Variants in MTSS1 observed in about 807,000 individuals in gnomAD.
MTSS1 encodes protein MTSS 1.
Under a neutral mutation model 79.0 loss-of-function variants are expected in MTSS1, and 18 were observed. The observed-to-expected ratio is 0.23, with a 90% CI of 0.16 to 0.34. The LOEUF is 0.34. MTSS1 is among the 10% of genes least tolerant of loss of function. The pLI is 1.00. For synonymous variants in MTSS1, 341 were observed against 368.6 expected, an observed-to-expected ratio of 0.93 and a Z score of 0.86; for missense variants, 815 against 986.2, an observed-to-expected ratio of 0.83 and a Z score of 2.33.
chr8:124,690,229 A>G (rs1028986976), intron 3 of MTSS1, among the ~76,000 whole-genome samples: 1 of 152,238 alleles, frequency 6.6e-6, no homozygotes, highest in Non-Finnish European at 1.5e-5. Flanking sequence ...GACAGGGAAC[A>G]GCACACACAC....
chr8:124,661,812 A>G (rs1163590777), intron 3 of MTSS1, among the ~76,000 whole-genome samples: 1 of 152,214 alleles, frequency 6.6e-6, no homozygotes, highest in Non-Finnish European at 1.5e-5. Flanking sequence ...TTTGCTCAGC[A>G]TACATTCAGG....
chr8:124,725,227 C>G (rs1833523631), intron 1 of MTSS1, among the ~76,000 whole-genome samples: 1 of 152,226 alleles, frequency 6.6e-6, no homozygotes, highest in Non-Finnish European at 1.5e-5. Context: ...CATGCCCTGA[C>G]AGCCAGCCGA....
At chr8:124,593,570 G>A (rs189712948) in intron 3 of MTSS1, among the ~76,000 whole-genome samples, 44 of 152,296 alleles carry the variant, frequency 2.9e-4, no homozygotes, top group Non-Finnish European at 4.9e-4. Flanking sequence ...AATTGCACGT[G>A]GTAATTTAAA....
chr8:124,578,440 T>G (rs986806473), intron 6 of MTSS1, among the ~76,000 whole-genome samples: 10 of 152,040 alleles, frequency 6.6e-5, no homozygotes, highest in African/African-American at 2.4e-4. Context: ...ATCACTACCC[T>G]ACCCCCAGGC....
chr8:124,586,287 C>T (rs1464087753), intron 5 of MTSS1, among the ~76,000 whole-genome samples: 1 of 152,160 alleles, frequency 6.6e-6, no homozygotes, highest in Non-Finnish European at 1.5e-5. Flanking sequence ...CACTGTGCAG[C>T]GTGGCAGCTC....
intron 3 of MTSS1, among the ~76,000 whole-genome samples, chr8:124,611,818 CAG>C (rs1226780174): frequency 1.3e-5 from 2 of 152,174 alleles, no homozygotes; most frequent in African/African-American, 4.8e-5. Flanking sequence ...AGAAATAAAA[CAG>C]ATTTGCATGA....
chr8:124,664,694 C>T (rs1196731949), intron 3 of MTSS1, among the ~76,000 whole-genome samples: 1 of 152,214 alleles, frequency 6.6e-6, no homozygotes, highest in East Asian at 1.9e-4. Context: ...GCAACGAGAG[C>T]ACTTGACTAG....
At chr8:124,653,743 C>T (rs1471057610) in intron 3 of MTSS1, among the ~76,000 whole-genome samples, 2 of 152,046 alleles carry the variant, frequency 1.3e-5, no homozygotes, top group Non-Finnish European at 2.9e-5. Context: ...CAAAACAAAA[C>T]AAACACAAAA....
chr8:124,606,424 C>A (rs1254959617), intron 3 of MTSS1, among the ~76,000 whole-genome samples: 1 of 152,150 alleles, frequency 6.6e-6, no homozygotes, highest in Non-Finnish European at 1.5e-5. Context: ...GCCGGGACTA[C>A]AGGCACAAGC....
At position 124,553,112 on chromosome 8, in the gene MTSS1, G is replaced by T. The variant is rs747967553; in HGVS notation, c.2148C>A (p.Asp716Glu). ...TVSPGQIPES[D>E]PADLSPRDTP... ...TATCCCTTGGGCTCAGGTCTGCAGG[G>T]TCACTCTCTGGAATCTGGCCTGGGG... is the stretch of plus-strand genomic sequence containing the variant. Residue 716 changes from aspartate to glutamate, a missense_variant, in exon 14 of 14, where the codon GAC becomes GAA. Around this residue, in one of 2 missense-constraint regions of MTSS1, gnomAD observed 590 missense variants for 620.8 expected, o/e 0.95. Transcript: ENST00000518547. This position sits in a 1 kb window ranked among gnomAD's most constrained non-coding sequence, Gnocchi z 6.0. The T allele has an allele frequency of 6.2e-7, 1 of 1,614,106 alleles. No homozygotes were observed. Among genetic ancestry groups the T allele is most frequent in the Admixed American group, 1.7e-5 (1 of 60,008 alleles).
Position 124,562,962 on chromosome 8 carries a change from G to T in MTSS1, c.855C>A (p.Ser285=), listed in dbSNP as rs770496980. The change falls in exon 10 of 14, where the codon TCC becomes TCA. Residue 285 remains serine (S), a synonymous_variant. Coordinates refer to ENST00000518547, the MANE Select transcript of MTSS1 (RefSeq NM_014751.6). ...SSLNSVNSSD[S]RSSGSHSHSP... ...AATGCGAGTGGGAGCCGCTGGACCG[G>T]GAGTCACTGCTGTTGACACTGTTCA... 1.2e-6 allele frequency: 2 copies of T among 1,611,586 alleles called. No individual in the cohort carries two copies. The highest frequency in any genetic ancestry group is 1.7e-6 in the Non-Finnish European group (2 of 1,179,134).
chr8:124,594,440 G>A (rs1355573739), intron 3 of MTSS1, among the ~76,000 whole-genome samples: 1 of 152,134 alleles, frequency 6.6e-6, no homozygotes, highest in East Asian at 1.9e-4. Flanking sequence ...AGTAGCTTGA[G>A]AATCGCTTGA....
Position 124,685,581 on chromosome 8 carries a change from G to A in MTSS1, c.208+13945C>T, listed in dbSNP as rs574638711. 1.2e-4 allele frequency among the ~76,000 whole-genome samples: 18 copies of A among 152,260 alleles called. No individual in the cohort carries two copies. In the South Asian group the frequency reaches 3.3e-3, roughly 28 times the overall value. On this transcript the variant is annotated intron_variant, in intron 3 of 13. Transcript: ENST00000518547. ...AAGTCAGAGTCTGCAGGTGAGGGAA[G>A]GGAGAGGGCATTCCGAGTGTGTGTG...
At chr8:124,656,651 G>A (rs1050007671) in intron 3 of MTSS1, among the ~76,000 whole-genome samples, 28 of 151,696 alleles carry the variant, frequency 1.8e-4, no homozygotes, top group Non-Finnish European at 4.0e-4. Flanking sequence ...GGTGGTGAAT[G>A]CCTGCAGTCC....
chr8:124,643,495 C>T (rs1013576085), intron 3 of MTSS1, among the ~76,000 whole-genome samples: 5 of 151,884 alleles, frequency 3.3e-5, no homozygotes, highest in African/African-American at 7.3e-5. Context: ...GTCAGGAGTT[C>T]GAAACCAGCC....
intron 3 of MTSS1, among the ~76,000 whole-genome samples, chr8:124,616,189 C>T (rs3110545): frequency 0.18 from 27,921 of 152,050 alleles, 3,065 homozygotes; most frequent in African/African-American, 0.3. Flanking sequence ...AGAGGCCTAA[C>T]ATCCTACGCT....
chr8:124,609,116 C>T (rs941081762), intron 3 of MTSS1, among the ~76,000 whole-genome samples: 10 of 152,330 alleles, frequency 6.6e-5, no homozygotes, highest in Admixed American at 3.9e-4. Flanking sequence ...AACATCATCA[C>T]CACACAGAGC....
In MTSS1 at chr8:124,562,979, C is replaced by T; in HGVS notation, c.838G>A (p.Val280Ile). 1 of 1,608,750 alleles carries T rather than the reference C, an allele frequency of 6.2e-7. No individual in the cohort carries two copies. Among genetic ancestry groups the T allele is most frequent in the Admixed American group, 1.7e-5 (1 of 59,268 alleles). The change falls in exon 10 of 14, where the codon GTC becomes ATC. Residue 280 changes from valine (V) to isoleucine (I), a missense_variant. Val to Ile is a conservative substitution (Grantham distance 29, BLOSUM62 3). Coordinates refer to ENST00000518547, the MANE Select transcript of MTSS1 (RefSeq NM_014751.6). ...KSSVCSSLNSVNSSDSRSSGS... is the reference protein window; with the variant it reads ...KSSVCSSLNSINSSDSRSSGS... ...CTGGACCGGGAGTCACTGCTGTTGA[C>T]ACTGTTCAGGCTGCTGTGGAGGACA...
At chr8:124,713,010 C>A (rs894583836) in intron 1 of MTSS1, among the ~76,000 whole-genome samples, 7 of 152,204 alleles carry the variant, frequency 4.6e-5, no homozygotes, top group Non-Finnish European at 1.5e-5. Flanking sequence ...ACCATATCTT[C>A]CAAGTCATTT....
Sources: gnomAD v4.1 joint callset for allele counts (sites outside exome capture counted in the v4.1 genomes callset) on GRCh38, gnomAD v4.1.1 for gene constraint, gnomAD v4.1.1 regional missense constraint, Gnocchi (gnomAD v3.1) non-coding constraint, MANE v1.5 for transcripts, NCBI Gene and HGNC (gene_info 2026-07-23, HGNC 2026-07-21) for gene names.